MEI4: variants seen among roughly 807,000 people sequenced by gnomAD.
The protein encoded by MEI4 is meiosis-specific protein MEI4.
Under a neutral mutation model 31.4 loss-of-function variants are expected in MEI4, and 27 were observed. The ratio of observed to expected loss-of-function variants is 0.86; its 90% CI spans 0.63 to 1.19. The LOEUF (loss-of-function observed/expected upper bound fraction) is 1.19. MEI4 is among the 50% of genes most tolerant of loss of function. The pLI, the probability that MEI4 is intolerant of heterozygous loss-of-function variation, is 0.00. For missense variants in MEI4, 329 were observed against 398.9 expected (o/e 0.82, Z 1.49); for synonymous variants, 122 against 145.4 (o/e 0.84, Z 1.16).
chr6:77,735,270 C>G (rs1451311993), intron 2 of MEI4, among the ~76,000 whole-genome samples: 2 of 151,942 alleles, frequency 1.3e-5, no homozygotes, highest in Admixed American at 6.6e-5. Context: ...TTCAGGTACA[C>G]CAATCAGACG....
intron 4 of MEI4, among the ~76,000 whole-genome samples, chr6:77,868,499 C>CTATATATAATATA (rs71558933): frequency 1.6e-5 from 1 of 61,770 alleles, no homozygotes; most frequent in East Asian, 4.7e-4. Context: ...GTAAAAAATA[C>CTATATATAATATA]TACATATATA....
intron 3 of MEI4, among the ~76,000 whole-genome samples, chr6:77,765,307 A>G (rs1465878547): frequency 6.6e-6 from 1 of 152,060 alleles, no homozygotes; most frequent in African/African-American, 2.4e-5. Flanking sequence ...TGTAGCAGCA[A>G]CGTGAGATAT....
At chr6:77,890,831 T>A (rs991343503) in intron 4 of MEI4, among the ~76,000 whole-genome samples, 1 of 152,154 alleles carries the variant, frequency 6.6e-6, no homozygotes, top group Non-Finnish European at 1.5e-5. Flanking sequence ...CAAGATCTGA[T>A]GGCTTTATAA....
At chr6:77,710,529 A>AG in intron 2 of MEI4, among the ~76,000 whole-genome samples, 1 of 147,742 alleles carries the variant, frequency 6.8e-6, no homozygotes, top group East Asian at 2.0e-4. Context: ...TCAAAAAAAA[A>AG]AAAAAAAAAA....
chr6:77,823,974 A>G lies in MEI4; in HGVS notation c.769-4957A>G, dbSNP rs527642972. Among the ~76,000 whole-genome samples, 69 of 152,298 alleles carry G rather than the reference A, an allele frequency of 4.5e-4. No homozygotes were observed. The South Asian group carries it at 0.014, about 32-fold the overall frequency. On this transcript the variant is annotated intron_variant, in intron 3 of 4. Transcript: ENST00000684080. ...AGAGTAGTAATTAGTAATTTTTTAAATCTGGCAAGTGGTTGAACACTTTTT... is the reference window on the plus strand; with the variant it reads ...AGAGTAGTAATTAGTAATTTTTTAAGTCTGGCAAGTGGTTGAACACTTTTT...
In MEI4 at chr6:77,789,064, C is replaced by G. The variant is rs573114610; in HGVS notation, c.768+27399C>G. ...CTGGTACCAAAGCAGAGATGTAGAC[C>G]AATGGAACCAGAACAGAGCCCTCAG... On this transcript the variant is annotated intron_variant, in intron 3 of 4. Coordinates refer to ENST00000684080, the MANE Select transcript of MEI4 (RefSeq NM_001322247.2). Among the ~76,000 whole-genome samples the G allele has an allele frequency of 4.8e-4, 73 of 152,168 alleles. 2 individuals are homozygous for G. In the South Asian group the frequency reaches 0.012, roughly 26 times the overall value.
At chr6:77,867,426 C>G (rs1349638996) in intron 4 of MEI4, among the ~76,000 whole-genome samples, 2 of 152,124 alleles carry the variant, frequency 1.3e-5, no homozygotes, top group African/African-American at 2.4e-5. Context: ...AGACACTTCT[C>G]AAAAGAAGAC....
chr6:77,728,389 A>G (rs953622362), intron 2 of MEI4, among the ~76,000 whole-genome samples: 1 of 150,260 alleles, frequency 6.7e-6, no homozygotes, highest in African/African-American at 2.5e-5. Flanking sequence ...TCATGCATAT[A>G]GTTTTTTCTT....
At chr6:77,701,043 A>G (rs1043109175) in intron 2 of MEI4, among the ~76,000 whole-genome samples, 8 of 152,360 alleles carry the variant, frequency 5.3e-5, no homozygotes, top group Middle Eastern at 3.4e-3. Flanking sequence ...TGTGGCAGGT[A>G]TGGTTAATCA....
chr6:77,799,262 C>A (rs532364997), intron 3 of MEI4, among the ~76,000 whole-genome samples: 1 of 152,042 alleles, frequency 6.6e-6, no homozygotes, highest in African/African-American at 2.4e-5. Flanking sequence ...AGCATTTTTT[C>A]CTGTGTTTTT....
intron 2 of MEI4, among the ~76,000 whole-genome samples, chr6:77,719,313 T>TAAA (rs1378939048): frequency 7.3e-6 from 1 of 137,266 alleles, no homozygotes; most frequent in Non-Finnish European, 1.6e-5. Context: ...TTTAGTGATC[T>TAAA]TTGATAAGAA....
At chr6:77,676,160 C>A (rs1768841119) in intron 1 of MEI4, among the ~76,000 whole-genome samples, 1 of 152,062 alleles carries the variant, frequency 6.6e-6, no homozygotes. Context: ...AAGGAGAGAT[C>A]CTCATGAAAA....
rs141290012 is a variant in MEI4, at chr6:77,788,048, A to G, written c.768+26383A>G. On this transcript the variant is annotated intron_variant, in intron 3 of 4. Coordinates refer to ENST00000684080, the MANE Select transcript of MEI4 (RefSeq NM_001322247.2). ...GTTAGGGAGGATTCCCTCTTTTTCT[A>G]TTGATTGGAATAGTTTCAGAAGGAA... Among the ~76,000 whole-genome samples, 214 of 152,250 alleles carry G rather than the reference A, an allele frequency of 1.4e-3. 1 individual carries two copies. Among genetic ancestry groups the G allele is most frequent in the African/African-American group, 4.5e-3 (188 of 41,554 alleles).
intron 4 of MEI4, among the ~76,000 whole-genome samples, chr6:77,833,068 T>TAC: frequency 6.6e-6 from 1 of 152,256 alleles, no homozygotes. Context: ...TATCTTGTCA[T>TAC]ACATGTATTT....
intron 3 of MEI4, among the ~76,000 whole-genome samples, chr6:77,815,560 T>C (rs952151608): frequency 3.3e-5 from 5 of 152,232 alleles, no homozygotes; most frequent in African/African-American, 1.2e-4. Context: ...ATATTGGTTG[T>C]CTCTGCCTGT....
rs533942835 is a variant in MEI4, at chr6:77,658,399, T to G, written c.-15+5307T>G. On this transcript the variant is annotated intron_variant, in intron 1 of 4. Transcript: ENST00000684080. ...GTGGATCTTCAATTACTTTAGGCCA[T>G]CTGGATGTATACGTGCAAGTCACAG... Among the ~76,000 whole-genome samples, 5 of 152,300 alleles carry G rather than the reference T, an allele frequency of 3.3e-5. No homozygotes were observed. The East Asian group carries it at 5.8e-4, about 18-fold the overall frequency.
intron 2 of MEI4, among the ~76,000 whole-genome samples, chr6:77,728,119 T>A (rs923529670): frequency 2.1e-5 from 3 of 145,694 alleles, no homozygotes; most frequent in African/African-American, 7.3e-5. Context: ...AGGTGTGATA[T>A]AGTAAACATT....
intron 4 of MEI4, among the ~76,000 whole-genome samples, chr6:77,875,277 G>A (rs75575261): frequency 0.019 from 2,816 of 152,054 alleles, 90 homozygotes; most frequent in African/African-American, 0.064. Context: ...CTATCTCCTC[G>A]CTAGAGTGTA....
Position 77,800,619 on chromosome 6 carries a change from G to C in MEI4, c.769-28312G>C, listed in dbSNP as rs1014104268. ...TTTTTGCCCATTCAGTATGATATTG[G>C]CTGTGGGTTTCTCATAGATAGCTCT... On this transcript the variant is annotated intron_variant, in intron 3 of 4. Transcript: ENST00000684080. Among the ~76,000 whole-genome samples, 10 of 152,282 alleles carry C rather than the reference G, an allele frequency of 6.6e-5. No individual in the cohort carries two copies. In the East Asian group the frequency reaches 1.7e-3, roughly 26 times the overall value.
Sources: gnomAD v4.1 joint callset for allele counts (sites outside exome capture counted in the v4.1 genomes callset) on GRCh38, gnomAD v4.1.1 for gene constraint, MANE v1.5 for transcripts, NCBI Gene and HGNC (gene_info 2026-07-23, HGNC 2026-07-21) for gene names.